The following FCRL1 variants were observed in gnomAD, a reference collection of about 807,000 sequenced individuals.
The protein encoded by FCRL1 is Fc receptor like 1.
FCRL1 carries 34 observed loss-of-function variants against 49.2 expected under a neutral mutation model. The ratio of observed to expected loss-of-function variants is 0.69; its 90% CI spans 0.53 to 0.92. FCRL1 has a LOEUF of 0.92. FCRL1 is among the 40% of genes least tolerant of loss of function. FCRL1 has a pLI of 0.00. For synonymous variants in FCRL1, 218 were observed against 201.6 expected, an observed-to-expected ratio of 1.08 and a Z score of -0.69; for missense variants, 524 against 524.1, an observed-to-expected ratio of 1.00 and a Z score of 0.00.
At chr1:157,807,034 G>T in intron 2 of FCRL1, 68 bp downstream of exon 2, 3 of 1,570,534 alleles carry the variant, frequency 1.9e-6, no homozygotes, top group Non-Finnish European at 1.7e-6. Context: ...CAATCTGCAG[G>T]CCTCCTGTGC....
chr1:157,815,650 A>T (rs1654923236), intron 1 of FCRL1, among the ~76,000 whole-genome samples: 1 of 151,908 alleles, frequency 6.6e-6, no homozygotes, highest in Non-Finnish European at 1.5e-5. Context: ...ACAATACAAA[A>T]GATCAATGAA....
At chr1:157,806,355 A>G (rs530896188) in intron 2 of FCRL1, among the ~76,000 whole-genome samples, 4 of 152,240 alleles carry the variant, frequency 2.6e-5, no homozygotes, top group South Asian at 2.1e-4. Flanking sequence ...AGGTGGCAGG[A>G]CAATCTCTTT....
chr1:157,800,127 C>A (rs199673318), intron 6 of FCRL1, 42 bp from the exon 7 acceptor site: 2 of 1,604,788 alleles, frequency 1.2e-6, no homozygotes, highest in East Asian at 2.2e-5. Context: ...ATGGAAGAAC[C>A]CTCACTGTCA....
chr1:157,807,300 T>C (rs1333304335), intron 1 of FCRL1, among the ~76,000 whole-genome samples, 178 bp from the exon 2 acceptor site: 1 of 152,042 alleles, frequency 6.6e-6, no homozygotes, highest in Non-Finnish European at 1.5e-5. Flanking sequence ...TTTCATCTTC[T>C]CTTCCTCCCT....
chr1:157,817,419 G>A (rs1038288147), intron 1 of FCRL1, among the ~76,000 whole-genome samples: 4 of 151,942 alleles, frequency 2.6e-5, no homozygotes, highest in African/African-American at 9.7e-5. Context: ...AAGAATACAC[G>A]ATGTGGAAAG....
intron 1 of FCRL1, among the ~76,000 whole-genome samples, chr1:157,818,697 C>T (rs766270522): frequency 2.0e-5 from 3 of 151,994 alleles, no homozygotes; most frequent in Admixed American, 6.6e-5. Context: ...GTGGGTATGG[C>T]GTTCTTTCTT....
rs1426473681 is a variant in FCRL1, at chr1:157,801,458, A to G, written c.1003+3T>C. 1.0e-5 allele frequency: 16 copies of G among 1,575,254 alleles called. No homozygotes were observed. Among genetic ancestry groups the G allele is most frequent in the Non-Finnish European group, 1.4e-5 (16 of 1,145,266 alleles). On this transcript the variant is annotated splice_donor_region_variant and intron_variant, in intron 6 of 10. Transcript: ENST00000368176. Reference sequence around the variant, plus strand: ...CAAAATGCCACTCTCTTTAAATACTAACCTATTTTTCTTTTGAGGCCGTAG... The same window carrying G: ...CAAAATGCCACTCTCTTTAAATACTGACCTATTTTTCTTTTGAGGCCGTAG...
intron 1 of FCRL1, among the ~76,000 whole-genome samples, chr1:157,809,675 G>A (rs911784099): frequency 6.6e-6 from 1 of 151,968 alleles, no homozygotes; most frequent in Non-Finnish European, 1.5e-5. Context: ...TGGTCAGCTT[G>A]GTCTGAACTC....
At chr1:157,818,662 G>C (rs1341191537) in intron 1 of FCRL1, among the ~76,000 whole-genome samples, 1 of 151,732 alleles carries the variant, frequency 6.6e-6, no homozygotes, top group African/African-American at 2.4e-5. Flanking sequence ...TGAGGCGTTG[G>C]AAAAAAAATT....
Position 157,802,383 on chromosome 1 carries a change from C to G in FCRL1, c.601G>C (p.Val201Leu), listed in dbSNP as rs1416863659. 1.2e-6 allele frequency: 2 copies of G among 1,613,760 alleles called. No individual in the cohort carries two copies. Among genetic ancestry groups the G allele is most frequent in the African/African-American group, 1.3e-5 (1 of 74,932 alleles). Residue 201 changes from valine (V) to leucine (L), a missense_variant, in exon 4 of 11, where the codon GTC (valine) becomes CTC (leucine). Coordinates refer to ENST00000368176, the MANE Select transcript of FCRL1 (RefSeq NM_052938.5). ...PSPSGLVSITVRIPVSRPILM... is the reference protein window; with the variant it reads ...PSPSGLVSITLRIPVSRPILM... ...GAAGGGTAGTGGAACTTACTTCTGA[C>G]AGTGATGCTCACCAGCCCACTGGGG...
At chr1:157,813,563 C>T (rs907205409) in intron 1 of FCRL1, among the ~76,000 whole-genome samples, 3 of 151,806 alleles carry the variant, frequency 2.0e-5, no homozygotes, top group Non-Finnish European at 4.4e-5. Flanking sequence ...AATTTTTTTT[C>T]GAAAGTGAAG....
intron 9 of FCRL1, chr1:157,797,619 CTCTT>C (rs998221991): frequency 2.5e-5 from 22 of 867,658 alleles, no homozygotes; most frequent in Middle Eastern, 3.5e-4. Context: ...GGGATTTTTG[CTCTT>C]TCTAAGTGAC....
chr1:157,815,074 T>C (rs1475775354), intron 1 of FCRL1, among the ~76,000 whole-genome samples: 1 of 151,852 alleles, frequency 6.6e-6, no homozygotes, highest in African/African-American at 2.4e-5. Flanking sequence ...CAAAGAAATA[T>C]CAGATTTAAA....
chr1:157,812,558 T>C (rs1654476107), intron 1 of FCRL1, among the ~76,000 whole-genome samples: 2 of 152,166 alleles, frequency 1.3e-5, no homozygotes, highest in African/African-American at 4.8e-5. Flanking sequence ...AGAGCCATGA[T>C]AGTGCTGTAT....
intron 7 of FCRL1, 50 bp downstream of exon 7, chr1:157,800,008 A>C (rs1236946177): frequency 6.4e-7 from 1 of 1,553,168 alleles, no homozygotes; most frequent in East Asian, 2.3e-5. Flanking sequence ...ATCTATTTTT[A>C]AAATAGATTT....
At chr1:157,800,159 C>T in intron 6 of FCRL1, 74 bp from the exon 7 acceptor site, 1 of 1,466,670 alleles carries the variant, frequency 6.8e-7, no homozygotes, top group Non-Finnish European at 9.5e-7. Context: ...GTTTTCATAC[C>T]CCCTGCACAG....
At chr1:157,816,717 A>G (rs1018583305) in intron 1 of FCRL1, among the ~76,000 whole-genome samples, 1 of 151,764 alleles carries the variant, frequency 6.6e-6, no homozygotes, top group African/African-American at 2.4e-5. Flanking sequence ...ACAAAATTTT[A>G]TCTAATAAAT....
Position 157,805,210 on chromosome 1 carries a change from C to T in FCRL1, c.53-1099G>A, listed in dbSNP as rs556686477. ...ATAAAATTGTGCTCTGCTCTCTCCTCGTCTCCCCAACTTGCAGCAGCCCAT... is the reference window on the plus strand; with the variant it reads ...ATAAAATTGTGCTCTGCTCTCTCCTTGTCTCCCCAACTTGCAGCAGCCCAT... On this transcript the variant is annotated intron_variant, in intron 2 of 10. Transcript: ENST00000368176. Among the ~76,000 whole-genome samples, 136 of 152,192 alleles carry T rather than the reference C, an allele frequency of 8.9e-4. 1 individual carries two copies. The highest frequency in any genetic ancestry group is 3.2e-3 in the African/African-American group (131 of 41,528).
rs1161741113 is a variant in FCRL1 at position 157,801,470 on chromosome 1, T to G, written c.994A>C (p.Arg332=). 1.2e-6 allele frequency: 2 copies of G among 1,609,384 alleles called. No homozygotes were observed. The highest frequency in any genetic ancestry group is 3.3e-5 in the Admixed American group (2 of 59,746). ...VALLFCYGLK[R]KIGRRSARDP... ...CTCTTTAAATACTAACCTATTTTTCTTTTGAGGCCGTAGCAAAATAATAAG... is the reference window on the plus strand; with the variant it reads ...CTCTTTAAATACTAACCTATTTTTCGTTTGAGGCCGTAGCAAAATAATAAG... Residue 332 remains arginine, a synonymous_variant, in exon 6 of 11, where the codon AGA becomes CGA. Transcript: ENST00000368176.
Sources: gnomAD v4.1 joint callset for allele counts (sites outside exome capture counted in the v4.1 genomes callset) on GRCh38, gnomAD v4.1.1 for gene constraint, MANE v1.5 for transcripts, NCBI Gene and HGNC (gene_info 2026-07-23, HGNC 2026-07-21) for gene names.